CTTNBP2: variants seen among roughly 807,000 people sequenced by gnomAD.
CTTNBP2 encodes cortactin binding protein 2.
A neutral mutation model predicts 156.9 loss-of-function variants in CTTNBP2; 108 were observed. The ratio of observed to expected loss-of-function variants is 0.69; its 90% confidence interval spans 0.59 to 0.81. The LOEUF (loss-of-function observed/expected upper bound fraction) is 0.81. CTTNBP2 is among the 30% of genes least tolerant of loss of function. The pLI is 0.00. For synonymous variants in CTTNBP2, 767 were observed against 751.8 expected (o/e 1.02, Z -0.33); for missense variants, 1,924 against 2,035.4 (o/e 0.95, Z 1.05).
At chr7:117,758,106 A>C (rs1240334697) in intron 10 of CTTNBP2, 136 bp from the exon 11 acceptor site, 1 of 620,630 alleles carries the variant, frequency 1.6e-6, no homozygotes. Flanking sequence ...TACGGAACAC[A>C]TATAGGGCCA....
Position 117,764,031 on chromosome 7 carries a change from C to G in CTTNBP2, c.2896+3028G>C, listed in dbSNP as rs35842122. ...GTATATCATTCCTGTCTCATAGCACCCCTATGACTTGAACCATGACCCTGT... is the reference window on the plus strand; with the variant it reads ...GTATATCATTCCTGTCTCATAGCACGCCTATGACTTGAACCATGACCCTGT... On this transcript the variant is annotated intron_variant, in intron 9 of 22. Coordinates refer to ENST00000160373, the MANE Select transcript of CTTNBP2 (RefSeq NM_033427.3). Among the ~76,000 whole-genome samples, 1,029 of 152,110 alleles carry G rather than the reference C, an allele frequency of 6.8e-3. 9 individuals carry two copies. The highest frequency in any genetic ancestry group is 0.023 in the African/African-American group (952 of 41,494).
chr7:117,834,218 C>T (rs955312214), intron 2 of CTTNBP2, among the ~76,000 whole-genome samples: 79 of 152,096 alleles, frequency 5.2e-4, no homozygotes, highest in African/African-American at 1.8e-3. Flanking sequence ...CCACACCTGG[C>T]TAATTTTTGT....
rs1465415281 is a variant in CTTNBP2 at position 117,871,311 on chromosome 7, T to C, written c.81+2024A>G. Among the ~76,000 whole-genome samples the C allele has an allele frequency of 3.9e-5, 6 of 152,312 alleles. No individual in the cohort carries two copies. In the East Asian group the frequency reaches 1.2e-3, roughly 29 times the overall value. On this transcript the variant is annotated intron_variant, in intron 1 of 22. Transcript: ENST00000160373. ...GAACCATGCCTTATTAAGTCAAAAC[T>C]ATTTGGAGAACTAAAATAAAAGGCC...
chr7:117,871,844 T>TCACTCACACACACACACACACACACA (rs1804620806), intron 1 of CTTNBP2: 1 of 298,194 alleles, frequency 3.4e-6, no homozygotes, highest in Non-Finnish European at 4.4e-6. Flanking sequence ...TCCTTCCCCT[T>TCACTCACACACACACACACACACACA]CACACACACA....
rs768395597 is a variant in CTTNBP2 at position 117,728,125 on chromosome 7, C to G, written c.4019G>C (p.Cys1340Ser). 1 of 1,614,082 alleles carries G rather than the reference C, an allele frequency of 6.2e-7. No individual in the cohort carries two copies. Among genetic ancestry groups the G allele is most frequent in the Non-Finnish European group, 8.5e-7 (1 of 1,179,980 alleles). ...ALLGPKYFLS[C>S]PVVPGHAQVT... is the part of the protein sequence containing the mutation. ...TTGGGCATGCCCAGGAACTACAGGA[C>G]AAGACAGGAAATATTTTGGTCCAAG... Residue 1340 changes from cysteine to serine, a missense_variant, in exon 17 of 23, where the codon TGT becomes TCT. Transcript: ENST00000160373.
At chr7:117,771,940 C>A (rs566454390) in intron 8 of CTTNBP2, among the ~76,000 whole-genome samples, 1 of 152,164 alleles carries the variant, frequency 6.6e-6, no homozygotes, top group Non-Finnish European at 1.5e-5. Context: ...GTAATGGCAG[C>A]AGCAGGGAGG....
chr7:117,760,860 T>TA, intron 9 of CTTNBP2, 150 bp from the exon 10 acceptor site: 1 of 597,768 alleles, frequency 1.7e-6, no homozygotes, highest in Non-Finnish European at 2.9e-6. Context: ...TGAACGTTCT[T>TA]ACACTGGAGT....
chr7:117,724,962 T>G (rs1276384746), intron 18 of CTTNBP2, 90 bp downstream of exon 18: 4 of 1,260,446 alleles, frequency 3.2e-6, no homozygotes, highest in Admixed American at 3.9e-5. Context: ...TTTTTCTAAT[T>G]ACAAAGAAAG....
chr7:117,846,414 TAACA>T (rs1802590862), intron 2 of CTTNBP2, among the ~76,000 whole-genome samples: 1 of 152,120 alleles, frequency 6.6e-6, no homozygotes, highest in Admixed American at 6.5e-5. Flanking sequence ...GTCAGTAATT[TAACA>T]ATCAAATGAT....
chr7:117,854,470 C>A (rs1200501254), intron 2 of CTTNBP2, among the ~76,000 whole-genome samples: 2 of 152,152 alleles, frequency 1.3e-5, no homozygotes, highest in East Asian at 3.8e-4. Context: ...AGAGTGGAAC[C>A]ATTATTCTAT....
intron 9 of CTTNBP2, among the ~76,000 whole-genome samples, chr7:117,766,128 G>T (rs1023536119): frequency 6.6e-6 from 1 of 152,254 alleles, no homozygotes; most frequent in African/African-American, 2.4e-5. Context: ...AGTGTTCCAT[G>T]TTTGTTCTTA....
chr7:117,861,965 T>A (rs759100442), intron 1 of CTTNBP2, among the ~76,000 whole-genome samples: 23 of 151,974 alleles, frequency 1.5e-4, no homozygotes, highest in Non-Finnish European at 2.9e-4. Context: ...GATTCATATT[T>A]CCTCAGGGCA....
chr7:117,785,068 T>C (rs1020115043), intron 4 of CTTNBP2, among the ~76,000 whole-genome samples: 2 of 152,266 alleles, frequency 1.3e-5, no homozygotes, highest in South Asian at 2.1e-4. Flanking sequence ...TAATAAAATA[T>C]AACATATATA....
intron 2 of CTTNBP2, among the ~76,000 whole-genome samples, chr7:117,814,863 T>G (rs1193720743): frequency 6.6e-6 from 1 of 152,254 alleles, no homozygotes; most frequent in Non-Finnish European, 1.5e-5. Context: ...TGCAACTGTG[T>G]TGCTGATATC....
At position 117,792,564 on chromosome 7, in the gene CTTNBP2, T is replaced by C. The variant is rs775880734; in HGVS notation, c.632A>G (p.Glu211Gly). 14 of 1,614,198 alleles carry C rather than the reference T, an allele frequency of 8.7e-6. No homozygotes were observed. The highest frequency in any genetic ancestry group is 1.2e-5 in the Non-Finnish European group (14 of 1,180,038). ...EEKKKTNELE[E>G]ELSAEKRRST... ...TCTTCGTTTCTCAGCGGAGAGTTCC[T>C]CTTCTAATTCATTCGTCTTTTTCTT... Residue 211 changes from glutamate to glycine, a missense_variant, in exon 4 of 23, where the codon GAG becomes GGG. By Grantham distance (98) the Glu-to-Gly change is moderately conservative. Transcript: ENST00000160373. The surrounding 1 kb of genome is among the most constrained non-coding windows in gnomAD (Gnocchi z 4.2).
Position 117,767,059 on chromosome 7 carries a change from T to A in CTTNBP2, c.2896A>T (p.Asn966Tyr), listed in dbSNP as rs1350581034. 2 of 1,513,054 alleles carry A rather than the reference T, an allele frequency of 1.3e-6. No homozygotes were observed. The highest frequency in any genetic ancestry group is 1.7e-5 in the Admixed American group (1 of 59,868). The allele number at this position is 1,513,054 out of a possible 1,614,324, so 93.7% of individuals were successfully genotyped here. The change falls in exon 9 of 23, where the codon AAT becomes TAT. Residue 966 changes from asparagine to tyrosine, a missense_variant and splice_region_variant. Coordinates refer to ENST00000160373, the MANE Select transcript of CTTNBP2 (RefSeq NM_033427.3). ...ACAATAAGCTCTGAACATCACTCAC[T>A]CAGATTCTCCAGCAAATGCTTGCAG... ...DDCKHLLENL[N>Y]ALKIPLRISV...
chr7:117,822,292 A>G (rs2117032589), intron 2 of CTTNBP2, among the ~76,000 whole-genome samples: 1 of 152,120 alleles, frequency 6.6e-6, no homozygotes, highest in East Asian at 1.9e-4. Flanking sequence ...CATTCTAGCT[A>G]GGAGTATTTC....
intron 22 of CTTNBP2, among the ~76,000 whole-genome samples, chr7:117,716,175 G>A (rs192728129): frequency 1.3e-5 from 2 of 151,342 alleles, no homozygotes; most frequent in East Asian, 3.9e-4. Context: ...TAGTATAAAA[G>A]GACTCGCTTT....
intron 8 of CTTNBP2, among the ~76,000 whole-genome samples, chr7:117,777,066 C>T (rs1446382647): frequency 6.6e-6 from 1 of 152,176 alleles, no homozygotes; most frequent in Non-Finnish European, 1.5e-5. Context: ...AGAGCTCCCT[C>T]TTAGATATCG....
Sources: gnomAD v4.1 joint callset for allele counts (sites outside exome capture counted in the v4.1 genomes callset) on GRCh38, gnomAD v4.1.1 for gene constraint, Gnocchi (gnomAD v3.1) non-coding constraint, MANE v1.5 for transcripts, NCBI Gene and HGNC (gene_info 2026-07-23, HGNC 2026-07-21) for gene names.